Variants in ABCC9 observed in about 807,000 individuals in gnomAD.
The protein encoded by ABCC9 is ATP binding cassette subfamily C member 9.
In ABCC9, 95 loss-of-function variants were observed where a neutral mutation model predicts 188.3. The ratio of observed to expected loss-of-function variants is 0.50; its 90% CI spans 0.43 to 0.60. The LOEUF (loss-of-function observed/expected upper bound fraction) is 0.60. Among genes scored for constraint, ABCC9 ranks in the 20% least tolerant of loss-of-function variants. The probability of loss-of-function intolerance (pLI) is 0.00; values close to 1 mark genes in which losing one functional copy is unlikely to be tolerated. For missense variants in ABCC9, 1,102 were observed against 1,876.3 expected (o/e 0.59, Z 7.62); for synonymous variants, 659 against 652.7 (o/e 1.01, Z -0.15).
intron 2 of ABCC9, 142 bp from the exon 3 acceptor site, chr12:21,936,836 C>A: frequency 1.6e-6 from 1 of 621,258 alleles, no homozygotes; most frequent in Non-Finnish European, 2.7e-6. Context: ...AAACTCTGTG[C>A]CAAAGCAACT....
rs751828406 is a variant in ABCC9, at chr12:21,906,259, T to C, written c.1485A>G (p.Thr495=). The change falls in exon 12 of 40, where the codon ACA becomes ACG. Residue 495 remains threonine (T), a synonymous_variant. Transcript: ENST00000261200. The part of the protein sequence containing the change: ...LDYSTERLKK[T]NEILKGIKLL... The stretch of plus-strand genomic sequence containing the variant: ...GTTTGATGCCTTTCAATATTTCATT[T>C]GTTTTCTTGAGTCTCTCAGTGGAAT... The C allele has an allele frequency of 6.2e-7, 1 of 1,612,266 alleles. No homozygotes were observed. Among genetic ancestry groups the C allele is most frequent in the Non-Finnish European group, 8.5e-7 (1 of 1,178,922 alleles).
At chr12:21,930,224 A>T (rs1949224974) in intron 4 of ABCC9, among the ~76,000 whole-genome samples, 1 of 152,122 alleles carries the variant, frequency 6.6e-6, no homozygotes, top group Non-Finnish European at 1.5e-5. Context: ...AATCCAGATA[A>T]GTGACAGAAA....
chr12:21,816,643 C>T (rs924418700), intron 33 of ABCC9, among the ~76,000 whole-genome samples: 1 of 152,008 alleles, frequency 6.6e-6, no homozygotes, highest in Non-Finnish European at 1.5e-5. Context: ...GAAAGATGGG[C>T]AAGGGTTGGC....
chr12:21,860,054 A>G (rs941158866), intron 21 of ABCC9, among the ~76,000 whole-genome samples: 1 of 151,426 alleles, frequency 6.6e-6, no homozygotes, highest in African/African-American at 2.4e-5. Context: ...AGTACTATCC[A>G]AGAGTATGCT....
chr12:21,865,210 G>A (rs1343592838), intron 18 of ABCC9, among the ~76,000 whole-genome samples: 1 of 152,048 alleles, frequency 6.6e-6, no homozygotes, highest in African/African-American at 2.4e-5. Context: ...AAAGCCTACA[G>A]AAACTCCAAA....
intron 35 of ABCC9, among the ~76,000 whole-genome samples, 197 bp downstream of exon 35, chr12:21,814,447 C>T (rs1468555092): frequency 6.6e-6 from 1 of 152,164 alleles, no homozygotes; most frequent in East Asian, 1.9e-4. Flanking sequence ...GAGTTTAAGG[C>T]TCATCATTTT....
chr12:21,915,134 C>T (rs1948481285), intron 7 of ABCC9, among the ~76,000 whole-genome samples: 1 of 151,382 alleles, frequency 6.6e-6, no homozygotes, highest in South Asian at 2.1e-4. Flanking sequence ...CTCCTGACCT[C>T]AGGTGATCCA....
chr12:21,842,563 C>T (rs2137372522), intron 28 of ABCC9, 92 bp from the exon 29 acceptor site: 1 of 1,276,540 alleles, frequency 7.8e-7, no homozygotes, highest in Non-Finnish European at 1.1e-6. Context: ...TTGATAGTTA[C>T]ACAGTTAACT....
At chr12:21,889,761 G>A (rs999493098) in intron 14 of ABCC9, among the ~76,000 whole-genome samples, 6 of 152,120 alleles carry the variant, frequency 3.9e-5, no homozygotes, top group Non-Finnish European at 5.9e-5. Context: ...GGAAGCAATG[G>A]TCCCTGACCT....
chr12:21,924,117 A>G (rs982091795), intron 5 of ABCC9: 5 of 341,364 alleles, frequency 1.5e-5, no homozygotes, highest in Non-Finnish European at 2.6e-5. Flanking sequence ...GAAATTGAGT[A>G]TAAGAAAATT....
rs772272069 is a variant in ABCC9 at position 21,859,643 on chromosome 12, C to T, written c.2448G>A (p.Gln816=). 1 of 1,613,946 alleles carries T rather than the reference C, an allele frequency of 6.2e-7. No individual in the cohort carries two copies. Among genetic ancestry groups the T allele is most frequent in the Non-Finnish European group, 8.5e-7 (1 of 1,179,858 alleles). The change falls in exon 22 of 40, where the codon CAG becomes CAA. Residue 816 remains glutamine (Q), a synonymous_variant. Coordinates refer to ENST00000261200, the MANE Select transcript of ABCC9 (RefSeq NM_020297.4). Reference sequence around the variant, plus strand: ...CTCGTGCCACACAGATTCTCTGCCTCTGTCCCCCACTCAGGTTGATGCCCT... The same window carrying T: ...CTCGTGCCACACAGATTCTCTGCCTTTGTCCCCCACTCAGGTTGATGCCCT... ...GERGINLSGG[Q]RQRICVARAL... is the part of the protein sequence containing the mutation.
chr12:21,853,668 A>T (rs1433353770), intron 22 of ABCC9, among the ~76,000 whole-genome samples: 2 of 152,198 alleles, frequency 1.3e-5, no homozygotes, highest in Non-Finnish European at 2.9e-5. Context: ...AGAGCATCAA[A>T]CTACATGTTT....
chr12:21,809,433 T>TG (rs1270261200), intron 37 of ABCC9, among the ~76,000 whole-genome samples: 6 of 152,198 alleles, frequency 3.9e-5, no homozygotes, highest in Non-Finnish European at 7.3e-5. Context: ...TGGCTACTAA[T>TG]GGGGCAAAAT....
intron 39 of ABCC9, chr12:21,805,438 G>A: frequency 1.2e-6 from 1 of 863,906 alleles, no homozygotes; most frequent in Non-Finnish European, 1.8e-6. Context: ...AAGAGGAAAA[G>A]GCAGAAAACT....
chr12:21,813,083 C>G (rs1751802869), intron 35 of ABCC9, among the ~76,000 whole-genome samples: 1 of 152,078 alleles, frequency 6.6e-6, no homozygotes, highest in Non-Finnish European at 1.5e-5. Context: ...TTTTACTTAT[C>G]TTTTTTTATT....
chr12:21,930,790 G>C (rs572161763), intron 4 of ABCC9, among the ~76,000 whole-genome samples: 1 of 152,140 alleles, frequency 6.6e-6, no homozygotes, highest in East Asian at 1.9e-4. Context: ...AAAATGAAAT[G>C]ATCTATTTGG....
intron 22 of ABCC9, 99 bp from the exon 23 acceptor site, chr12:21,852,604 C>A: frequency 1.5e-6 from 2 of 1,360,624 alleles, no homozygotes; most frequent in South Asian, 1.2e-5. Flanking sequence ...AAGGGCAAAT[C>A]ATCCCCCAAA....
At chr12:21,840,372 T>G (rs1280990611) in intron 29 of ABCC9, among the ~76,000 whole-genome samples, 2 of 152,324 alleles carry the variant, frequency 1.3e-5, no homozygotes, top group East Asian at 3.9e-4. Context: ...CAAATAAGAA[T>G]AGCGTACAAT....
chr12:21,882,871 C>T lies in ABCC9; in HGVS notation c.1914G>A (p.Gln638=), dbSNP rs565125768. ...GCTGTTTCCTGTTTATAGTTTTTGG[C>T]TGCTGCATTCCAAATGGAAAAGAAC... ...FESCKKHTGV[Q]PKTINRKQPG... The change falls in exon 16 of 40, where the codon CAG becomes CAA. Residue 638 remains glutamine, a splice_region_variant and synonymous_variant. Transcript: ENST00000261200. 6.2e-7 allele frequency: 1 copy of T among 1,612,160 alleles called. No individual in the cohort carries two copies. The highest frequency in any genetic ancestry group is 8.5e-7 in the Non-Finnish European group (1 of 1,178,338).
Sources: allele counts gnomAD v4.1 joint callset (sites outside exome capture counted in the v4.1 genomes callset), GRCh38; gene constraint gnomAD v4.1.1; transcripts MANE v1.5; gene names NCBI Gene and HGNC (gene_info 2026-07-23, HGNC 2026-07-21).